ZNF536: variants seen among roughly 807,000 people sequenced by gnomAD.
The protein encoded by ZNF536 is zinc finger protein 536.
A neutral mutation model predicts 84.5 loss-of-function variants in ZNF536; 13 were observed. That is an observed-to-expected ratio of 0.15 (90% CI 0.10 to 0.24). The LOEUF is 0.24. Among genes scored for constraint, ZNF536 ranks in the 10% least tolerant of loss-of-function variants. ZNF536 has a pLI of 1.00. For missense variants in ZNF536, 1,536 were observed against 1,747.5 expected (o/e 0.88, Z 2.16); for synonymous variants, 811 against 742.5 (o/e 1.09, Z -1.50).
At chr19:30,325,390 C>T (rs2046990729) in intron 2 of ZNF536, among the ~76,000 whole-genome samples, 1 of 152,210 alleles carries the variant, frequency 6.6e-6, no homozygotes, top group African/African-American at 2.4e-5. Context: ...TGCAAGTCAG[C>T]AGGCCATCAT....
chr19:30,496,879 C>G (rs2054743260), intron 2 of ZNF536, among the ~76,000 whole-genome samples: 1 of 152,140 alleles, frequency 6.6e-6, no homozygotes, highest in Admixed American at 6.5e-5. Context: ...TGCCACTATT[C>G]TGTGTAACGT....
intron 1 of ZNF536, among the ~76,000 whole-genome samples, chr19:30,280,150 T>A (rs543577793): frequency 1.3e-5 from 2 of 152,164 alleles, no homozygotes; most frequent in Admixed American, 6.5e-5. Context: ...CATCCTTCCA[T>A]CCGCCTCACC....
chr19:30,587,913 AT>A (rs547149273), intron 1 of ZNF536, among the ~76,000 whole-genome samples: 1 of 152,246 alleles, frequency 6.6e-6, no homozygotes, highest in Non-Finnish European at 1.5e-5. Context: ...TGCTTCTGTA[AT>A]TGGTGCATTA....
rs34995610 is a variant in ZNF536 at position 30,569,559 on chromosome 19, C to CTTTTTTTTTTTT, written c.169+20064_169+20075dup. Among the ~76,000 whole-genome samples the CTTTTTTTTTTTT allele has an allele frequency of 4.0e-3, 219 of 55,084 alleles. 47 individuals are homozygous for CTTTTTTTTTTTT. The highest frequency in any genetic ancestry group is 7.2e-3 in the East Asian group (8 of 1,108). The allele number at this position is 55,084 out of a possible 152,430, so 36.1% of individuals were successfully genotyped here. The stretch of plus-strand genomic sequence containing the variant: ...ATGGAATCGAAGCCAGATAAACGTT[C>CTTTTTTTTTTTT]TTTTTTTTTTTTTTTTTTTTTTTTT... On this transcript the variant is annotated intron_variant, in intron 1 of 1. Transcript: ENST00000592773.
At chr19:30,560,823 A>T (rs1456624286), downstream of ZNF536, among the ~76,000 whole-genome samples, 1 of 152,230 alleles carries the variant, frequency 6.6e-6, no homozygotes, top group East Asian at 1.9e-4. Context: ...TCTCAAAGAA[A>T]CTTCGCGATG....
At chr19:30,511,048 G>A (rs1465820031) in intron 2 of ZNF536, among the ~76,000 whole-genome samples, 1 of 152,204 alleles carries the variant, frequency 6.6e-6, no homozygotes, top group African/African-American at 2.4e-5. Context: ...TGGAGTACAA[G>A]GATGACCATC....
At chr19:30,416,513 G>C (rs1418216302) in intron 1 of ZNF536, among the ~76,000 whole-genome samples, 1 of 152,054 alleles carries the variant, frequency 6.6e-6, no homozygotes. Flanking sequence ...ACTGTGGAGG[G>C]TTCTGGGACT....
chr19:30,374,992 C>A (rs1451414658), intron 1 of ZNF536, among the ~76,000 whole-genome samples: 2 of 151,964 alleles, frequency 1.3e-5, no homozygotes, highest in African/African-American at 4.8e-5. Flanking sequence ...GCCTGGAGAT[C>A]GGGCGCGCGG....
intron 1 of ZNF536, among the ~76,000 whole-genome samples, chr19:30,703,530 G>A (rs2052087298): frequency 6.6e-6 from 1 of 152,008 alleles, no homozygotes. Flanking sequence ...TGTTCCTTTG[G>A]GCTTTGAAGG....
intron 1 of ZNF536, among the ~76,000 whole-genome samples, chr19:30,633,282 T>G (rs1448567004): frequency 2.6e-5 from 4 of 152,210 alleles, no homozygotes; most frequent in African/African-American, 9.6e-5. Context: ...CTTATTTTTA[T>G]TGTGTATTGA....
In ZNF536 at chr19:30,327,704, C is replaced by T. The variant is rs2047084263; in HGVS notation, c.-119-24664C>T. On this transcript the variant is annotated intron_variant, in intron 2 of 5. Transcript: ENST00000585628. ...GGTTTGGGTTTCTGTGTTCACATCT[C>T]AGTCCTTCCAAGTGAAGGAAGCTCT... is the stretch of plus-strand genomic sequence containing the variant. Among the ~76,000 whole-genome samples, 4 of 152,216 alleles carry T rather than the reference C, an allele frequency of 2.6e-5. No individual in the cohort carries two copies. In the South Asian group the frequency reaches 8.3e-4, roughly 32 times the overall value.
chr19:30,284,129 T>C (rs2045549461), exon 2 of ZNF536: 1 of 152,240 alleles, frequency 6.6e-6, no homozygotes, highest in Non-Finnish European at 1.5e-5. Context: ...TCCATTGCTT[T>C]AAGACTTGCC....
intron 1 of ZNF536, among the ~76,000 whole-genome samples, chr19:30,283,643 C>A (rs1425729051): frequency 1.3e-5 from 2 of 152,024 alleles, no homozygotes; most frequent in African/African-American, 4.8e-5. Context: ...CTGTAGAGGG[C>A]TCCATAAATC....
chr19:30,695,609 C>A (rs995118129), intron 1 of ZNF536, among the ~76,000 whole-genome samples: 2 of 151,796 alleles, frequency 1.3e-5, no homozygotes, highest in Non-Finnish European at 2.9e-5. Context: ...GAAGGGATTG[C>A]AATTTGGAAA....
chr19:30,390,292 C>A (rs151216337), intron 1 of ZNF536, among the ~76,000 whole-genome samples: 1,546 of 152,252 alleles, frequency 0.01, 12 homozygotes, highest in Non-Finnish European at 0.016. Flanking sequence ...TAAAAAAATG[C>A]TAGGGACTTC....
At chr19:30,498,024 G>A (rs1364187980) in intron 2 of ZNF536, among the ~76,000 whole-genome samples, 1 of 152,174 alleles carries the variant, frequency 6.6e-6, no homozygotes, top group Non-Finnish European at 1.5e-5. Context: ...TATTAAGACA[G>A]TGTGGTGATT....
intron 1 of ZNF536, among the ~76,000 whole-genome samples, chr19:30,424,222 GCA>G (rs1018408461): frequency 1.3e-5 from 2 of 152,106 alleles, no homozygotes; most frequent in African/African-American, 4.8e-5. Context: ...ACTTTCCAAG[GCA>G]CACACACAGT....
At chr19:30,455,227 A>G (rs763650087) in intron 2 of ZNF536, among the ~76,000 whole-genome samples, 2 of 152,226 alleles carry the variant, frequency 1.3e-5, no homozygotes, top group Non-Finnish European at 2.9e-5. Flanking sequence ...AAAAAATTAA[A>G]TGTGTATGCC....
At chr19:30,354,593 G>A (rs139776923) in intron 3 of ZNF536, among the ~76,000 whole-genome samples, 113 of 152,288 alleles carry the variant, frequency 7.4e-4, no homozygotes, top group Non-Finnish European at 1.2e-3. Context: ...AGAAGATAAA[G>A]AACAATTACG....
Sources: gnomAD v4.1 joint callset for allele counts (sites outside exome capture counted in the v4.1 genomes callset) on GRCh38, gnomAD v4.1.1 for gene constraint, MANE v1.5 for transcripts, NCBI Gene and HGNC (gene_info 2026-07-23, HGNC 2026-07-21) for gene names.